Variants in TLE5 observed in about 807,000 individuals in gnomAD.
TLE5 encodes the protein TLE family member 5.
In TLE5, 7 loss-of-function variants were observed where a neutral mutation model predicts 25.8. The observed-to-expected ratio is 0.27, with a 90% CI of 0.15 to 0.51. TLE5 has a LOEUF of 0.51. TLE5 is among the 20% of genes least tolerant of loss of function. The pLI is 0.97. For synonymous variants in TLE5, 132 were observed against 110.5 expected (o/e 1.20, Z -1.22); for missense variants, 149 against 250.7 (o/e 0.59, Z 2.74).
At chr19:3,061,328 G>C (rs1294805547) in intron 1 of TLE5, 71 bp from the exon 2 acceptor site, 1 of 1,238,370 alleles carries the variant, frequency 8.1e-7, no homozygotes, top group South Asian at 1.2e-5. Flanking sequence ...GGCTAGGAGG[G>C]AGCGGCCGCG....
chr19:3,060,681 T>C (rs2145265755), intron 2 of TLE5, among the ~76,000 whole-genome samples: 1 of 152,246 alleles, frequency 6.6e-6, no homozygotes, highest in South Asian at 2.1e-4. Context: ...TCCTTCCCCT[T>C]AGATACCGCA....
rs2090189995 is a variant in TLE5, at chr19:3,053,377, C to G, written c.*442G>C. 6.3e-6 allele frequency: 1 copy of G among 157,922 alleles called. No individual in the cohort carries two copies. Among genetic ancestry groups the G allele is most frequent in the Non-Finnish European group, 1.4e-5 (1 of 71,846 alleles). The allele number at this position is 157,922 out of a possible 1,614,324, so 9.8% of individuals were successfully genotyped here. The stretch of plus-strand genomic sequence containing the variant: ...ACCTGGGACCCGGGGTCGGGGGAGA[C>G]TCGGGGTGCCCAGGACGGGAAAGGG... On this transcript the variant is annotated 3_prime_UTR_variant, in exon 7 of 7. Transcript: ENST00000327141.
rs114392649 is a variant in TLE5 at position 3,060,292 on chromosome 19, C to A, written c.125+868G>T. On this transcript the variant is annotated intron_variant, in intron 2 of 6. Coordinates refer to ENST00000327141, the MANE Select transcript of TLE5 (RefSeq NM_001130.6). ...ATGGACACCCCCGAGGAAATAACAT[C>A]ATAACATCTCTGGGCTTAAGTTTCT... 2.0e-3 allele frequency among the ~76,000 whole-genome samples: 303 copies of A among 150,004 alleles called. 2 individuals carry two copies. Among genetic ancestry groups the A allele is most frequent in the African/African-American group, 6.8e-3 (278 of 40,904 alleles).
intron 3 of TLE5, among the ~76,000 whole-genome samples, chr19:3,057,076 C>G (rs1243035251): frequency 1.3e-5 from 2 of 152,182 alleles, no homozygotes; most frequent in Non-Finnish European, 2.9e-5. Flanking sequence ...CCCCCACAGT[C>G]TGGGAGATTT....
At chr19:3,062,783 T>C (rs1599276995), upstream of TLE5, 11 of 1,549,528 alleles carry the variant, frequency 7.1e-6, no homozygotes, top group East Asian at 2.7e-4. Flanking sequence ...GGCCCTGCTG[T>C]GGCACGACCT....
chr19:3,056,708 C>G (rs1328597717), intron 3 of TLE5: 1 of 426,340 alleles, frequency 2.3e-6, no homozygotes, highest in Middle Eastern at 3.4e-4. Context: ...GTCTTGTCTG[C>G]GGGTGGGCCC....
At chr19:3,060,983 C>G in intron 2 of TLE5, 177 bp downstream of exon 2, 1 of 493,536 alleles carries the variant, frequency 2.0e-6, no homozygotes, top group Non-Finnish European at 3.7e-6. Context: ...CCTCGGTTTT[C>G]TCCTCTACAA....
At chr19:3,060,753 CG>C (rs2090259400) in intron 2 of TLE5, among the ~76,000 whole-genome samples, 1 of 152,156 alleles carries the variant, frequency 6.6e-6, no homozygotes, top group Non-Finnish European at 1.5e-5. Context: ...GAGAATCTGA[CG>C]GGTGCTGGGA....
At chr19:3,057,246 G>C (rs1034111954) in intron 3 of TLE5, among the ~76,000 whole-genome samples, 2 of 152,232 alleles carry the variant, frequency 1.3e-5, no homozygotes, top group African/African-American at 4.8e-5. Flanking sequence ...CCCCCGAAAT[G>C]GGTAGGGCTC....
chr19:3,057,807 G>A (rs1464951933), intron 2 of TLE5, 65 bp from the exon 3 acceptor site: 8 of 1,475,802 alleles, frequency 5.4e-6, no homozygotes, highest in Middle Eastern at 1.7e-4. Flanking sequence ...CCCACCCTCC[G>A]TTATCCAGGG....
rs3903265 is a variant in TLE5 at position 3,055,644 on chromosome 19, C to T, written c.297+20G>A. The T allele has an allele frequency of 1.3e-6, 2 of 1,577,842 alleles. No homozygotes were observed. Among genetic ancestry groups the T allele is most frequent in the African/African-American group, 1.4e-5 (1 of 73,196 alleles). On this transcript the variant is annotated intron_variant, in intron 5 of 6. Transcript: ENST00000327141. ...GTGCGGGGCCCCCTCACAACCCCTC[C>T]CCAAGGCCCTGGCTCTTACCTCTTG... is the stretch of plus-strand genomic sequence containing the variant.
At position 3,053,680 on chromosome 19, in the gene TLE5, C is replaced by T; in HGVS notation, c.*139G>A. On this transcript the variant is annotated 3_prime_UTR_variant, in exon 7 of 7. Transcript: ENST00000327141. ...GTGGCCTGCAAGCTGGGCTGGGGCC[C>T]CCGCCGGCGGCCACCATAAATACTA... is the stretch of plus-strand genomic sequence containing the variant. The T allele has an allele frequency of 8.8e-6, 9 of 1,017,088 alleles. No individual in the cohort carries two copies. Among genetic ancestry groups the T allele is most frequent in the Non-Finnish European group, 1.3e-5 (9 of 714,222 alleles). 63.0% of individuals were successfully genotyped at this position (1,017,088 alleles called of 1,614,324 possible). A position where few individuals can be genotyped will look rare whatever the true frequency, so the allele number is the denominator to read the frequency against.
At position 3,053,711 on chromosome 19, in the gene TLE5, G is replaced by A; in HGVS notation, c.*108C>T. The A allele has an allele frequency of 3.1e-6, 4 of 1,308,318 alleles. No homozygotes were observed. The highest frequency in any genetic ancestry group is 2.8e-5 in the South Asian group (2 of 70,672). 81.0% of individuals were successfully genotyped at this position (1,308,318 alleles called of 1,614,324 possible). On this transcript the variant is annotated 3_prime_UTR_variant, in exon 7 of 7. Transcript: ENST00000327141. ...GGCGGCCACCATAAATACTATGGGA[G>A]TTTAGCCAATCCCGAGCTCCGCTGT...
chr19:3,061,586 G>A (rs1331229009), intron 1 of TLE5, among the ~76,000 whole-genome samples: 1 of 151,882 alleles, frequency 6.6e-6, no homozygotes, highest in African/African-American at 2.4e-5. Context: ...ACATCCGAGG[G>A]GGGTAGAAAC....
At chr19:3,061,022 A>G in intron 2 of TLE5, 138 bp downstream of exon 2, 1 of 627,662 alleles carries the variant, frequency 1.6e-6, no homozygotes, top group South Asian at 2.0e-5. Flanking sequence ...AAATGAATTC[A>G]GTATTTGTCA....
chr19:3,053,630 G>C lies in TLE5; in HGVS notation c.*189C>G. On this transcript the variant is annotated 3_prime_UTR_variant, in exon 7 of 7. Transcript: ENST00000327141. ...TGCAGGGGAGGAGGAGGGAAGCCGGGAATGGGGTAGGAAGAAAGCTAGAGG... is the reference window on the plus strand; with the variant it reads ...TGCAGGGGAGGAGGAGGGAAGCCGGCAATGGGGTAGGAAGAAAGCTAGAGG... 1 of 635,742 alleles carries C rather than the reference G, an allele frequency of 1.6e-6. No individual in the cohort carries two copies. Among genetic ancestry groups the C allele is most frequent in the Non-Finnish European group, 2.7e-6 (1 of 370,254 alleles). 39.4% of individuals were successfully genotyped at this position (635,742 alleles called of 1,614,324 possible).
chr19:3,053,562 T>C lies in TLE5; in HGVS notation c.*257A>G. The C allele has an allele frequency of 1.8e-6, 1 of 564,230 alleles. No individual in the cohort carries two copies. Among genetic ancestry groups the C allele is most frequent in the Non-Finnish European group, 3.2e-6 (1 of 316,202 alleles). The allele number at this position is 564,230 out of a possible 1,614,324, so 35.0% of individuals were successfully genotyped here. A position where few individuals can be genotyped will look rare whatever the true frequency, so the allele number is the denominator to read the frequency against. On this transcript the variant is annotated 3_prime_UTR_variant, in exon 7 of 7. Transcript: ENST00000327141. The stretch of plus-strand genomic sequence containing the variant: ...GTCTCCCATCTGACCCTCCAGGCCT[T>C]AGCTTGCCTCACATGTCAGGGCAGG...
At chr19:3,057,645 C>T in intron 3 of TLE5, 34 bp downstream of exon 3, 1 of 1,609,908 alleles carries the variant, frequency 6.2e-7, no homozygotes. Flanking sequence ...GTCGCCCGCC[C>T]CCAACACTGG....
At chr19:3,057,557 C>G (rs560140295) in intron 3 of TLE5, 122 bp downstream of exon 3, 4 of 938,720 alleles carry the variant, frequency 4.3e-6, no homozygotes, top group Admixed American at 1.9e-5. Flanking sequence ...GAACAGGCCC[C>G]GATCCTCGCG....
Sources: gnomAD v4.1 joint callset for allele counts (sites outside exome capture counted in the v4.1 genomes callset) on GRCh38, gnomAD v4.1.1 for gene constraint, MANE v1.5 for transcripts, NCBI Gene and HGNC (gene_info 2026-07-23, HGNC 2026-07-21) for gene names.